The following TPPP3 variants were observed in gnomAD, a reference collection of about 807,000 sequenced individuals.
TPPP3 encodes tubulin polymerization-promoting protein family member 3.
Under a neutral mutation model 13.1 loss-of-function variants are expected in TPPP3, and 7 were observed. The ratio of observed to expected loss-of-function variants is 0.54; its 90% CI spans 0.30 to 1.01. The LOEUF is 1.01. TPPP3 is among the 50% of genes least tolerant of loss of function. TPPP3 has a pLI of 0.06. For synonymous variants in TPPP3, 87 were observed against 93.7 expected (o/e 0.93, Z 0.41); for missense variants, 185 against 235.0 (o/e 0.79, Z 1.39).
At position 67,391,905 on chromosome 16, in the gene TPPP3, C is replaced by T. The variant is rs549765729; in HGVS notation, c.-6-788G>A. On this transcript the variant is annotated intron_variant, in intron 1 of 3. Coordinates refer to ENST00000393957, the MANE Select transcript of TPPP3 (RefSeq NM_015964.4). This position sits in a 1 kb window ranked among gnomAD's most constrained non-coding sequence, Gnocchi z 6.3. ...AGCACTCCCTGCGCCTAGGGCATAACCGTGGCTTCCTGGCCCCTTGCCACC... is the reference window on the plus strand; with the variant it reads ...AGCACTCCCTGCGCCTAGGGCATAATCGTGGCTTCCTGGCCCCTTGCCACC... The T allele has an allele frequency of 6.5e-5, 10 of 152,692 alleles. No homozygotes were observed. Among genetic ancestry groups the T allele is most frequent in the East Asian group, 1.9e-4 (1 of 5,190 alleles). The allele number at this position is 152,692 out of a possible 1,614,324, so 9.5% of individuals were successfully genotyped here.
rs2040352775 is a variant in TPPP3, at chr16:67,393,304, G to C, written c.-7+76C>G. The C allele has an allele frequency of 1.0e-6, 1 of 983,152 alleles. No individual in the cohort carries two copies. Among genetic ancestry groups the C allele is most frequent in the African/African-American group, 1.7e-5 (1 of 57,218 alleles). The allele number at this position is 983,152 out of a possible 1,614,324, so 60.9% of individuals were successfully genotyped here. ...CCGCCGGAGGTTGGGACCCTTTCCA[G>C]GCTGCTCCCCCCAACCCTCATCGTG... On this transcript the variant is annotated intron_variant, in intron 1 of 3. Coordinates refer to ENST00000393957, the MANE Select transcript of TPPP3 (RefSeq NM_015964.4). The surrounding 1 kb of genome is among the most constrained non-coding windows in gnomAD (Gnocchi z 5.4).
chr16:67,392,357 G>A lies in TPPP3; in HGVS notation c.-7+1023C>T, dbSNP rs1392349473. Among the ~76,000 whole-genome samples the A allele has an allele frequency of 1.3e-5, 2 of 150,468 alleles. No individual in the cohort carries two copies. Among genetic ancestry groups the A allele is most frequent in the Non-Finnish European group, 3.0e-5 (2 of 67,502 alleles). On this transcript the variant is annotated intron_variant, in intron 1 of 3. Coordinates refer to ENST00000393957, the MANE Select transcript of TPPP3 (RefSeq NM_015964.4). This position sits in a 1 kb window ranked among gnomAD's most constrained non-coding sequence, Gnocchi z 4.9. ...CTGCAGACCCCTGGCCACACCCTGA[G>A]CCTACACAGCAGCCTTCTCCATCCC...
chr16:67,391,013 C>A lies in TPPP3; in HGVS notation c.99G>T (p.Lys33Asn). Residue 33 changes from lysine (K) to asparagine (N), a missense_variant, in exon 2 of 4, where the codon AAG becomes AAT. By Grantham distance (94) the Lys-to-Asn change is moderately conservative. Coordinates refer to ENST00000393957, the MANE Select transcript of TPPP3 (RefSeq NM_015964.4). The surrounding 1 kb of genome is among the most constrained non-coding windows in gnomAD (Gnocchi z 6.3). Reference protein sequence around the residue: ...PKASGQEMNGKNWAKLCKDCK... With the variant: ...PKASGQEMNGNNWAKLCKDCK... ...AGTCCTTGCACAGCTTGGCCCAGTT[C>A]TTGCCATTCATCTCTTGCCCACTGG... 6.2e-7 allele frequency: 1 copy of A among 1,614,242 alleles called. No individual in the cohort carries two copies. Among genetic ancestry groups the A allele is most frequent in the South Asian group, 1.1e-5 (1 of 91,088 alleles).
Position 67,391,275 on chromosome 16 carries a change from G to A in TPPP3, c.-6-158C>T, listed in dbSNP as rs1026184555. The A allele has an allele frequency of 5.2e-5, 38 of 726,736 alleles. No homozygotes were observed. Among genetic ancestry groups the A allele is most frequent in the Non-Finnish European group, 6.9e-5 (31 of 451,514 alleles). The allele number at this position is 726,736 out of a possible 1,614,324, so 45.0% of individuals were successfully genotyped here. On this transcript the variant is annotated intron_variant, in intron 1 of 3. Coordinates refer to ENST00000393957, the MANE Select transcript of TPPP3 (RefSeq NM_015964.4). The surrounding 1 kb of genome is among the most constrained non-coding windows in gnomAD (Gnocchi z 6.3). ...CTGGGGAGAGGGGCCCGTCACTGTC[G>A]CCCTGGGCCACAGAGCCCCAAGGAA...
Position 67,392,893 on chromosome 16 carries a change from T to TC in TPPP3, c.-7+486dup. ...ACCATAACCCCAGTCCACGCTGCAC[T>TC]CCCCTTCCCTTTCCCTGGGTGCAAC... On this transcript the variant is annotated intron_variant, in intron 1 of 3. Transcript: ENST00000393957. This position sits in a 1 kb window ranked among gnomAD's most constrained non-coding sequence, Gnocchi z 4.9. The TC allele has an allele frequency of 2.3e-6, 2 of 863,972 alleles. No homozygotes were observed. Among genetic ancestry groups the TC allele is most frequent in the Non-Finnish European group, 2.8e-6 (2 of 719,016 alleles). The allele number at this position is 863,972 out of a possible 1,614,324, so 53.5% of individuals were successfully genotyped here.
rs770580189 is a variant in TPPP3, at chr16:67,390,424, G to T, written c.342+55C>A. ...GGGAGCCCAGCCCTTCCCACCCACA[G>T]CCACGATTCCCCACACCCCATTCCG... On this transcript the variant is annotated intron_variant, in intron 3 of 3. Coordinates refer to ENST00000393957, the MANE Select transcript of TPPP3 (RefSeq NM_015964.4). The surrounding 1 kb of genome is among the most constrained non-coding windows in gnomAD (Gnocchi z 6.4). The T allele has an allele frequency of 2.5e-6, 4 of 1,606,434 alleles. No individual in the cohort carries two copies. The highest frequency in any genetic ancestry group is 3.4e-6 in the Non-Finnish European group (4 of 1,174,492).
At position 67,393,281 on chromosome 16, in the gene TPPP3, G is replaced by C; in HGVS notation, c.-7+99C>G. On this transcript the variant is annotated intron_variant, in intron 1 of 3. Transcript: ENST00000393957. The surrounding 1 kb of genome is among the most constrained non-coding windows in gnomAD (Gnocchi z 5.4). ...CTCAGCTGGCTCCTCGGCTGGGACCGCCGGAGGTTGGGACCCTTTCCAGGC... is the reference window on the plus strand; with the variant it reads ...CTCAGCTGGCTCCTCGGCTGGGACCCCCGGAGGTTGGGACCCTTTCCAGGC... 1.0e-6 allele frequency: 1 copy of C among 965,190 alleles called. No individual in the cohort carries two copies. Among genetic ancestry groups the C allele is most frequent in the Non-Finnish European group, 1.2e-6 (1 of 811,498 alleles). 59.8% of individuals were successfully genotyped at this position (965,190 alleles called of 1,614,324 possible). A position where few individuals can be genotyped will look rare whatever the true frequency, so the allele number is the denominator to read the frequency against.
Position 67,390,899 on chromosome 16 carries a change from G to C in TPPP3, c.188+25C>G, listed in dbSNP as rs371908780. 3 of 1,605,156 alleles carry C rather than the reference G, an allele frequency of 1.9e-6. No homozygotes were observed. In the African/African-American group the frequency reaches 4.0e-5, roughly 21 times the overall value. Reference sequence around the variant, plus strand: ...AGTTCCCCACCTCCTGGGAACATGAGAAGCAGGGGCTGCTTAGGGCTCACT... The same window carrying C: ...AGTTCCCCACCTCCTGGGAACATGACAAGCAGGGGCTGCTTAGGGCTCACT... On this transcript the variant is annotated intron_variant, in intron 2 of 3. Coordinates refer to ENST00000393957, the MANE Select transcript of TPPP3 (RefSeq NM_015964.4). The surrounding 1 kb of genome is among the most constrained non-coding windows in gnomAD (Gnocchi z 6.4).
rs139206234 is a variant in TPPP3 at position 67,390,502 on chromosome 16, C to T, written c.319G>A (p.Glu107Lys). The change falls in exon 3 of 4, where the codon GAG (glutamate) becomes AAG (lysine). Residue 107 changes from glutamate to lysine, a missense_variant. By Grantham distance (56) the Glu-to-Lys change is moderately conservative. Transcript: ENST00000393957. This position sits in a 1 kb window ranked among gnomAD's most constrained non-coding sequence, Gnocchi z 6.4. Reference sequence around the variant, plus strand: ...ACAGTGACGCCCACATTGGCTGGCTCTTTGCCTGCCACCAGCTGGCAGATG... The same window carrying T: ...ACAGTGACGCCCACATTGGCTGGCTTTTTGCCTGCCACCAGCTGGCAGATG... ...DAICQLVAGK[E>K]PANVGVTKAK... is the part of the protein sequence containing the mutation. The T allele has an allele frequency of 7.4e-6, 12 of 1,613,968 alleles. No homozygotes were observed. The highest frequency in any genetic ancestry group is 1.0e-5 in the Non-Finnish European group (12 of 1,179,990).
At position 67,393,361 on chromosome 16, in the gene TPPP3, G is replaced by C; in HGVS notation, c.-7+19C>G. On this transcript the variant is annotated intron_variant, in intron 1 of 3. Coordinates refer to ENST00000393957, the MANE Select transcript of TPPP3 (RefSeq NM_015964.4). The surrounding 1 kb of genome is among the most constrained non-coding windows in gnomAD (Gnocchi z 5.4). ...ACTGATTGGGGTGGCGGGCATCTGG[G>C]TCTCCTATGGGCTTCTACCTCGCGG... The C allele has an allele frequency of 2.0e-6, 2 of 985,618 alleles. No homozygotes were observed. The highest frequency in any genetic ancestry group is 2.4e-6 in the Non-Finnish European group (2 of 830,038). 61.1% of individuals were successfully genotyped at this position (985,618 alleles called of 1,614,324 possible). A position where few individuals can be genotyped will look rare whatever the true frequency, so the allele number is the denominator to read the frequency against.
rs2040347646 is a variant in TPPP3 at position 67,392,988 on chromosome 16, C to T, written c.-7+392G>A. 2.0e-6 allele frequency: 2 copies of T among 985,494 alleles called. No homozygotes were observed. The highest frequency in any genetic ancestry group is 9.4e-5 in the South Asian group (2 of 21,296). 61.0% of individuals were successfully genotyped at this position (985,494 alleles called of 1,614,324 possible). A position where few individuals can be genotyped will look rare whatever the true frequency, so the allele number is the denominator to read the frequency against. On this transcript the variant is annotated intron_variant, in intron 1 of 3. Transcript: ENST00000393957. This position sits in a 1 kb window ranked among gnomAD's most constrained non-coding sequence, Gnocchi z 4.9. ...AACGTCCAGGGGAGCTTGGATGCCA[C>T]AGGGTGCTTGGCCCAAGCACTGGGC...
In TPPP3 at chr16:67,390,103, C is replaced by T. The variant is rs556064277; in HGVS notation, c.*71G>A. 5.1e-4 allele frequency: 756 copies of T among 1,496,396 alleles called. 3 individuals are homozygous for T. In the African/African-American group the frequency reaches 9.0e-3, roughly 18 times the overall value. The allele number at this position is 1,496,396 out of a possible 1,614,324, so 92.7% of individuals were successfully genotyped here. A position where few individuals can be genotyped will look rare whatever the true frequency, so the allele number is the denominator to read the frequency against. ...GAGGGGACCAGGATCTCTTGCTCCA[C>T]GTGCCCCTTAGACCCAGGCCTGAGC... On this transcript the variant is annotated 3_prime_UTR_variant, in exon 4 of 4. Transcript: ENST00000393957. The surrounding 1 kb of genome is among the most constrained non-coding windows in gnomAD (Gnocchi z 6.4).
In TPPP3 at chr16:67,391,228, A is replaced by C; in HGVS notation, c.-6-111T>G. 1 of 1,148,292 alleles carries C rather than the reference A, an allele frequency of 8.7e-7. No homozygotes were observed. Among genetic ancestry groups the C allele is most frequent in the Non-Finnish European group, 1.2e-6 (1 of 812,778 alleles). The allele number at this position is 1,148,292 out of a possible 1,614,324, so 71.1% of individuals were successfully genotyped here. A position where few individuals can be genotyped will look rare whatever the true frequency, so the allele number is the denominator to read the frequency against. On this transcript the variant is annotated intron_variant, in intron 1 of 3. Transcript: ENST00000393957. This position sits in a 1 kb window ranked among gnomAD's most constrained non-coding sequence, Gnocchi z 6.3. The stretch of plus-strand genomic sequence containing the variant: ...CTGCAAGACCTGGGCAGGTTCTGCT[A>C]CAGAGTTGGTGCTGGAGCTGCCTGG...
In TPPP3 at chr16:67,391,074, CTCTCCT is replaced by C. The variant is rs1462970224; in HGVS notation, c.32_37del (p.Glu11_Ser13delinsGly). On this transcript the variant is annotated inframe_deletion, in exon 2 of 4. Coordinates refer to ENST00000393957, the MANE Select transcript of TPPP3 (RefSeq NM_015964.4). The surrounding 1 kb of genome is among the most constrained non-coding windows in gnomAD (Gnocchi z 6.3). ...ACCATGGATGGCAAACTTGCGGAAG[CTCTCCT>C]CCAGCCCAGCCATGTCTGTGCTCGC... is the stretch of plus-strand genomic sequence containing the variant. 2.5e-6 allele frequency: 4 copies of C among 1,614,222 alleles called. No homozygotes were observed. The African/African-American group carries it at 5.3e-5, about 22-fold the overall frequency.
chr16:67,390,349 C>G lies in TPPP3; in HGVS notation c.356G>C (p.Gly119Ala), dbSNP rs777697372. The G allele has an allele frequency of 1.2e-6, 2 of 1,613,816 alleles. No individual in the cohort carries two copies. The highest frequency in any genetic ancestry group is 4.5e-5 in the East Asian group (2 of 44,846). ...GTCCGTCAGCCGGTCTACAGCACCCCCTGTTTTTGCTTTCTGTTTGGACAG... is the reference window on the plus strand; with the variant it reads ...GTCCGTCAGCCGGTCTACAGCACCCGCTGTTTTTGCTTTCTGTTTGGACAG... ...ANVGVTKAKTGGAVDRLTDTS... is the reference protein window; with the variant it reads ...ANVGVTKAKTAGAVDRLTDTS... The change falls in exon 4 of 4, where the codon GGG (glycine) becomes GCG (alanine). Residue 119 changes from glycine (G) to alanine (A), a missense_variant. Gly to Ala is a moderately conservative substitution (Grantham distance 60). Coordinates refer to ENST00000393957, the MANE Select transcript of TPPP3 (RefSeq NM_015964.4). The surrounding 1 kb of genome is among the most constrained non-coding windows in gnomAD (Gnocchi z 6.4).
chr16:67,390,854 C>G lies in TPPP3; in HGVS notation c.188+70G>C. 6.5e-7 allele frequency: 1 copy of G among 1,534,128 alleles called. No individual in the cohort carries two copies. The highest frequency in any genetic ancestry group is 8.8e-7 in the Non-Finnish European group (1 of 1,129,998). ...GTTTCCCTGACCCCTTCTTGATGTC[C>G]TCCCTGGTTCCAGCCCCCCAGTTCC... On this transcript the variant is annotated intron_variant, in intron 2 of 3. Coordinates refer to ENST00000393957, the MANE Select transcript of TPPP3 (RefSeq NM_015964.4). This position sits in a 1 kb window ranked among gnomAD's most constrained non-coding sequence, Gnocchi z 6.4.
chr16:67,393,441 G>T lies in TPPP3; in HGVS notation c.-68C>A. On this transcript the variant is annotated 5_prime_UTR_variant, in exon 1 of 4. Coordinates refer to ENST00000393957, the MANE Select transcript of TPPP3 (RefSeq NM_015964.4). This position sits in a 1 kb window ranked among gnomAD's most constrained non-coding sequence, Gnocchi z 5.4. ...AGAACGACGCAGGAATGGACCGATG[G>T]ACGCGGGAGACCAGGCGGCTCCGCA... 1 of 985,598 alleles carries T rather than the reference G, an allele frequency of 1.0e-6. No homozygotes were observed. The highest frequency in any genetic ancestry group is 1.2e-6 in the Non-Finnish European group (1 of 830,050). The allele number at this position is 985,598 out of a possible 1,614,324, so 61.1% of individuals were successfully genotyped here.
In TPPP3 at chr16:67,390,637, C is replaced by T; in HGVS notation, c.189-5G>A. 2 of 1,611,510 alleles carry T rather than the reference C, an allele frequency of 1.2e-6. No individual in the cohort carries two copies. Among genetic ancestry groups the T allele is most frequent in the South Asian group, 2.2e-5 (2 of 90,834 alleles). ...ATGACCCGAGCAGACTTCCCCCTGA[C>T]AGGCATGTGGGCACCATGAGGGTTC... On this transcript the variant is annotated splice_region_variant and splice_polypyrimidine_tract_variant and intron_variant, in intron 2 of 3. Coordinates refer to ENST00000393957, the MANE Select transcript of TPPP3 (RefSeq NM_015964.4). This position sits in a 1 kb window ranked among gnomAD's most constrained non-coding sequence, Gnocchi z 6.4.
Position 67,390,414 on chromosome 16 carries a change from C to A in TPPP3, c.343-52G>T. On this transcript the variant is annotated intron_variant, in intron 3 of 3. Coordinates refer to ENST00000393957, the MANE Select transcript of TPPP3 (RefSeq NM_015964.4). This position sits in a 1 kb window ranked among gnomAD's most constrained non-coding sequence, Gnocchi z 6.4. ...CACCTGATGAGGGAGCCCAGCCCTT[C>A]CCACCCACAGCCACGATTCCCCACA... 6.2e-7 allele frequency: 1 copy of A among 1,606,596 alleles called. No individual in the cohort carries two copies. The highest frequency in any genetic ancestry group is 1.1e-5 in the South Asian group (1 of 90,616).
Sources: gnomAD v4.1 joint callset for allele counts (sites outside exome capture counted in the v4.1 genomes callset) on GRCh38, gnomAD v4.1.1 for gene constraint, Gnocchi (gnomAD v3.1) non-coding constraint, MANE v1.5 for transcripts, NCBI Gene and HGNC (gene_info 2026-07-23, HGNC 2026-07-21) for gene names.